Variants in TCEANC observed in about 807,000 individuals in gnomAD.
TCEANC encodes transcription elongation factor A N-terminal and central domain containing.
Under a neutral mutation model 8.7 loss-of-function variants are expected in TCEANC, and 8 were observed. That is an observed-to-expected ratio of 0.92 (90% confidence interval 0.54 to 1.65). TCEANC has a LOEUF of 1.65. Among genes scored for constraint, TCEANC ranks in the 40% most tolerant of loss-of-function variants. The pLI, the probability that TCEANC is intolerant of heterozygous loss-of-function variation, is 0.00. For missense variants in TCEANC, 255 were observed against 251.9 expected (o/e 1.01, Z -0.08); for synonymous variants, 78 against 92.9 (o/e 0.84, Z 0.92).
At chrX:13,653,442 A>T (rs939047321), upstream of TCEANC, 1 of 111,440 alleles carries the variant, frequency 9.0e-6, no homozygotes, top group Non-Finnish European at 1.9e-5. Flanking sequence ...CAGGCTTTGC[A>T]TGTTGCTCGA....
rs192364117 is a variant in TCEANC, at chrX:13,661,138, C to T, written c.-8-1363C>T. On this transcript the variant is annotated intron_variant, in intron 1 of 1. Transcript: ENST00000380600. ...GGATTACAGGGTGAGTCACCATGCC[C>T]GGCCCATATGTTAACTGTTTAGTCT... Among the ~76,000 whole-genome samples, 58 of 112,069 alleles carry T rather than the reference C, an allele frequency of 5.2e-4. No individual in the cohort carries two copies. Among genetic ancestry groups the T allele is most frequent in the African/African-American group, 1.8e-3 (57 of 30,960 alleles).
intron 1 of TCEANC, among the ~76,000 whole-genome samples, chrX:13,657,756 C>T (rs1469361892): frequency 1.1e-5 from 1 of 94,960 alleles, no homozygotes; most frequent in Non-Finnish European, 2.0e-5. Context: ...TGCAGTGAGC[C>T]AAGATTGCAC....
At chrX:13,659,628 CT>C (rs148168000) in intron 1 of TCEANC, 23 bp from the exon 3 acceptor site, 2,172 of 83,787 alleles carry the variant, frequency 0.026, 40 homozygotes, top group African/African-American at 0.075. Context: ...GTGTTAAGCC[CT>C]TTTTTTTTTT....
Position 13,657,823 on chromosome X carries a change from A to C in TCEANC, c.-9+2450A>C, listed in dbSNP as rs1009486466. ...ACTCCATCTCAAAAAAAAAAAAAAA[A>C]AAAACACACACACACTTGTACACAA... On this transcript the variant is annotated intron_variant, in intron 1 of 1. Coordinates refer to ENST00000380600, the Ensembl canonical transcript of TCEANC. Among the ~76,000 whole-genome samples the C allele has an allele frequency of 1.3e-4, 14 of 104,096 alleles. No homozygotes were observed. In the East Asian group the frequency reaches 3.9e-3, roughly 29 times the overall value. 90.4% of individuals were successfully genotyped at this position (104,096 alleles called of 115,157 possible).
exon 2 of TCEANC, chrX:13,664,821 C>T (rs1305558038): frequency 8.1e-6 from 1 of 123,507 alleles, no homozygotes; most frequent in Non-Finnish European, 1.9e-5. Context: ...AACACGCCTT[C>T]TATGTGATTA....
chrX:13,659,983 G>A (rs1460664947), intron 1 of TCEANC, among the ~76,000 whole-genome samples: 1 of 111,769 alleles, frequency 8.9e-6, no homozygotes, highest in African/African-American at 3.3e-5. Flanking sequence ...TCGTTCCAGA[G>A]GGGAGGTGGG....
At chrX:13,653,775 C>T (rs1315998897), upstream of TCEANC, among the ~76,000 whole-genome samples, 34 of 111,698 alleles carry the variant, frequency 3.0e-4, no homozygotes, top group Admixed American at 3.2e-3. Context: ...ACATTGTTTC[C>T]AGACCTTTCC....
chrX:13,657,346 C>G (rs2045930782), intron 1 of TCEANC, among the ~76,000 whole-genome samples: 2 of 111,661 alleles, frequency 1.8e-5, no homozygotes, highest in African/African-American at 6.5e-5. Context: ...CTAGGATGAT[C>G]CAATAACATA....
At chrX:13,656,434 G>A (rs2045924841) in intron 1 of TCEANC, among the ~76,000 whole-genome samples, 1 of 112,278 alleles carries the variant, frequency 8.9e-6, no homozygotes, top group Non-Finnish European at 1.9e-5. Context: ...ACCCTCCTAG[G>A]GCAATAAATC....
chrX:13,653,744 A>G (rs1333678427), upstream of TCEANC, among the ~76,000 whole-genome samples: 1 of 111,326 alleles, frequency 9.0e-6, no homozygotes, highest in Non-Finnish European at 1.9e-5. Context: ...GTTATTTTTG[A>G]CTTGTTACAA....
chrX:13,663,378 A>G (rs758314079), exon 2 of TCEANC: 9 of 1,193,651 alleles, frequency 7.5e-6, no homozygotes, highest in Non-Finnish European at 1.0e-5. Flanking sequence ...TTGATGGCAC[A>G]CAGACAAATA....
intron 1 of TCEANC, among the ~76,000 whole-genome samples, chrX:13,657,031 T>C (rs1027086605): frequency 5.4e-5 from 6 of 112,050 alleles, no homozygotes; most frequent in African/African-American, 1.9e-4. Flanking sequence ...AGCATCTTGA[T>C]GGCAGGGACT....
At chrX:13,662,367 G>A (rs1025716044) in intron 1 of TCEANC, 134 bp from the exon 5 acceptor site, 3 of 533,128 alleles carry the variant, frequency 5.6e-6, no homozygotes, top group Admixed American at 3.8e-5. Flanking sequence ...CTAGCGTGTC[G>A]CATACATTTG....
Position 13,663,259 on chromosome X carries a change from C to T in TCEANC, c.751C>T (p.Arg251Ter), listed in dbSNP as rs760055594. ...CTTGCTCTCTGGGACCACGTCTCCACGAGAATTTGCTGAAATGACTGTCAT... is the reference window on the plus strand; with the variant it reads ...CTTGCTCTCTGGGACCACGTCTCCATGAGAATTTGCTGAAATGACTGTCAT... Residue 251 changes from arginine to a stop codon, truncating the protein, a stop_gained, in exon 2 of 2, where the codon CGA becomes TGA. Transcript: ENST00000380600. LOFTEE classifies it high-confidence loss of function. The T allele has an allele frequency of 1.6e-5, 19 of 1,201,293 alleles. No individual in the cohort carries two copies. Among genetic ancestry groups the T allele is most frequent in the Admixed American group, 4.5e-5 (2 of 44,535 alleles).
chrX:13,664,909 C>G (rs2046004086), exon 2 of TCEANC: 1 of 123,444 alleles, frequency 8.1e-6, no homozygotes, highest in Non-Finnish European at 1.9e-5. Flanking sequence ...TTGGCGGTCT[C>G]TACAAACCTA....
At chrX:13,657,446 A>G (rs1262868769) in intron 1 of TCEANC, among the ~76,000 whole-genome samples, 1 of 112,698 alleles carries the variant, frequency 8.9e-6, no homozygotes, top group Non-Finnish European at 1.9e-5. Context: ...ATGCAAAACT[A>G]TATGAAAGAT....
chrX:13,661,749 G>A (rs1297595683), intron 1 of TCEANC, among the ~76,000 whole-genome samples: 2 of 112,327 alleles, frequency 1.8e-5, no homozygotes, highest in Admixed American at 1.9e-4. Context: ...TAATCATTGA[G>A]CAACTCTTTA....
chrX:13,653,409 C>G (rs926227916), upstream of TCEANC: 2 of 111,938 alleles, frequency 1.8e-5, no homozygotes, highest in Admixed American at 9.4e-5. Context: ...GGTGCCGGGC[C>G]GTCATCCCAA....
intron 1 of TCEANC, among the ~76,000 whole-genome samples, chrX:13,656,094 G>A (rs1374883979): frequency 8.9e-6 from 1 of 112,614 alleles, no homozygotes; most frequent in East Asian, 2.8e-4. Flanking sequence ...AGTGAAGGCA[G>A]TAAAGAAGCA....
Sources: allele counts gnomAD v4.1 joint callset (sites outside exome capture counted in the v4.1 genomes callset), GRCh38; gene constraint gnomAD v4.1.1; transcripts MANE v1.5; gene names NCBI Gene and HGNC (gene_info 2026-07-23, HGNC 2026-07-21).